The following SLC38A6 variants were observed in gnomAD, a reference collection of about 807,000 sequenced individuals.
SLC38A6 encodes N system amino acid transporter NAT-1.
A neutral mutation model predicts 65.0 loss-of-function variants in SLC38A6; 73 were observed. The observed-to-expected ratio is 1.12, with a 90% CI of 0.93 to 1.37. SLC38A6 has a LOEUF of 1.37. Ranked by LOEUF, SLC38A6 falls within the 40% of genes most tolerant of loss-of-function variation. The pLI, the probability that SLC38A6 is intolerant of heterozygous loss-of-function variation, is 0.00. For missense variants in SLC38A6, 561 were observed against 531.1 expected (o/e 1.06, Z -0.55); for synonymous variants, 183 against 178.8 (o/e 1.02, Z -0.19).
At chr14:61,048,368 T>C in intron 12 of SLC38A6, 1 of 318,888 alleles carries the variant, frequency 3.1e-6, no homozygotes, top group Non-Finnish European at 6.2e-6. Context: ...CTTAATACCC[T>C]GTTTGACAAT....
chr14:61,042,155 T>C (rs1306357467), intron 8 of SLC38A6, among the ~76,000 whole-genome samples: 1 of 152,216 alleles, frequency 6.6e-6, no homozygotes. Flanking sequence ...GTGAGGTTTT[T>C]AATTAAGAGT....
rs147438249 is a variant in SLC38A6, at chr14:61,083,654, C to A, written c.1508C>A (p.Thr503Asn). The A allele has an allele frequency of 1.0e-3, 1,618 of 1,550,240 alleles. 20 individuals carry two copies. In the African/African-American group the frequency reaches 0.018, roughly 17 times the overall value. Residue 503 changes from threonine (T) to asparagine (N), a missense_variant, in exon 17 of 17, where the codon ACC (threonine) becomes AAC (asparagine). Transcript: ENST00000354886. Reference sequence around the variant, plus strand: ...GCCAAGGGAAGAGGCCTCAGGAGAACCAAACGTGTCCACACCTTGATCTTG... The same window carrying A: ...GCCAAGGGAAGAGGCCTCAGGAGAAACAAACGTGTCCACACCTTGATCTTG...
chr14:61,073,042 G>A (rs1047563838), intron 15 of SLC38A6, among the ~76,000 whole-genome samples: 1 of 151,906 alleles, frequency 6.6e-6, no homozygotes, highest in Non-Finnish European at 1.5e-5. Flanking sequence ...ATCCTCTCCG[G>A]CATTTATTAT....
At chr14:61,031,905 T>G (rs2041019622) in intron 6 of SLC38A6, among the ~76,000 whole-genome samples, 1 of 152,104 alleles carries the variant, frequency 6.6e-6, no homozygotes, top group South Asian at 2.1e-4. Flanking sequence ...TTAATTTAAC[T>G]TCTTTTGACT....
intron 5 of SLC38A6, among the ~76,000 whole-genome samples, chr14:61,026,635 T>C (rs1429623585): frequency 1.3e-5 from 2 of 151,934 alleles, no homozygotes; most frequent in African/African-American, 4.8e-5. Flanking sequence ...TGGTAGACTT[T>C]CCTTATTTGT....
intron 10 of SLC38A6, among the ~76,000 whole-genome samples, chr14:61,043,960 C>G (rs2041974794): frequency 6.6e-6 from 1 of 152,026 alleles, no homozygotes; most frequent in Non-Finnish European, 1.5e-5. Flanking sequence ...TATCTTCTGG[C>G]CGACATTCCA....
intron 5 of SLC38A6, among the ~76,000 whole-genome samples, chr14:61,025,616 A>G (rs2040566426): frequency 6.6e-6 from 1 of 152,168 alleles, no homozygotes; most frequent in Non-Finnish European, 1.5e-5. Flanking sequence ...AGTAATTTCT[A>G]TTGAAAATTA....
At position 61,052,445 on chromosome 14, in the gene SLC38A6, A is replaced by T; in HGVS notation, c.*16A>T. 6.4e-7 allele frequency: 1 copy of T among 1,559,486 alleles called. No individual in the cohort carries two copies. The highest frequency in any genetic ancestry group is 1.3e-5 in the South Asian group (1 of 79,874). On this transcript the variant is annotated 3_prime_UTR_variant, in exon 16 of 16. Coordinates refer to ENST00000267488, the MANE Select transcript of SLC38A6 (RefSeq NM_153811.3). ...TAATAAATAAAAGAAATATTTTCCT[A>T]CTTCTTACAAGAATAATATACCCCT...
chr14:61,025,026 A>G (rs550684294), intron 5 of SLC38A6, among the ~76,000 whole-genome samples: 2 of 152,324 alleles, frequency 1.3e-5, no homozygotes, highest in Admixed American at 6.5e-5. Flanking sequence ...AAGGAAAACC[A>G]TAAACATTAG....
chr14:61,050,287 A>G (rs895859477), intron 12 of SLC38A6, among the ~76,000 whole-genome samples: 1 of 152,174 alleles, frequency 6.6e-6, no homozygotes, highest in Non-Finnish European at 1.5e-5. Flanking sequence ...CATTGTCATA[A>G]TTTGAGAGGT....
intron 6 of SLC38A6, 50 bp downstream of exon 6, chr14:61,030,573 A>G: frequency 1.6e-6 from 2 of 1,245,844 alleles, no homozygotes. Flanking sequence ...AATTTGATAA[A>G]TATGTATTAA....
chr14:61,077,063 G>A (rs527590866), intron 15 of SLC38A6, among the ~76,000 whole-genome samples: 2 of 152,172 alleles, frequency 1.3e-5, no homozygotes, highest in Non-Finnish European at 2.9e-5. Context: ...ATGAATCTTG[G>A]GACATTGATA....
Position 61,005,385 on chromosome 14 carries a change from T to C in SLC38A6, c.311-10519T>C, listed in dbSNP as rs1193570322. Among the ~76,000 whole-genome samples, 5 of 100,472 alleles carry C rather than the reference T, an allele frequency of 5.0e-5. 1 individual carries two copies. The highest frequency in any genetic ancestry group is 1.4e-4 in the African/African-American group (5 of 35,268). 65.9% of individuals were successfully genotyped at this position (100,472 alleles called of 152,430 possible). ...GATATTCAATTAGGAAAAGAGGAAGTCAAATTGTCCCTGTTTGCAGATGAC... is the reference window on the plus strand; with the variant it reads ...GATATTCAATTAGGAAAAGAGGAAGCCAAATTGTCCCTGTTTGCAGATGAC... On this transcript the variant is annotated intron_variant, in intron 3 of 15. Coordinates refer to ENST00000267488, the MANE Select transcript of SLC38A6 (RefSeq NM_153811.3).
intron 3 of SLC38A6, among the ~76,000 whole-genome samples, chr14:61,005,845 A>C (rs1322357054): frequency 6.6e-6 from 1 of 152,202 alleles, no homozygotes; most frequent in East Asian, 1.9e-4. Context: ...TTCATATGGA[A>C]CCAAAAAAGA....
At position 61,051,844 on chromosome 14, in the gene SLC38A6, C is replaced by T. The variant is rs764382937; in HGVS notation, c.1108C>T (p.His370Tyr). 1 of 1,612,384 alleles carries T rather than the reference C, an allele frequency of 6.2e-7. No homozygotes were observed. The highest frequency in any genetic ancestry group is 8.5e-7 in the Non-Finnish European group (1 of 1,179,254). The stretch of plus-strand genomic sequence containing the variant: ...CAATTTTCCATTCTCATGGATTCGC[C>T]ATTTTTTGATCACTCTAGCACTCAA... ...FSNFPFSWIR[H>Y]FLITLALNII... is the part of the protein sequence containing the mutation. The change falls in exon 14 of 16, where the codon CAT becomes TAT. Residue 370 changes from histidine to tyrosine, a missense_variant. Physicochemically the swap from His to Tyr is moderately conservative, Grantham distance 83 (BLOSUM62 2). Transcript: ENST00000267488.
intron 15 of SLC38A6, among the ~76,000 whole-genome samples, chr14:61,075,777 TTGTGTGTGTGTGTGTGTGTGTG>T (rs57421102): frequency 3.6e-4 from 44 of 123,392 alleles, no homozygotes; most frequent in East Asian, 2.2e-3. Flanking sequence ...ATCAACCTGT[TTGTGTGTGTGTGTGTGTGTGTG>T]TGTGTGTGTG....
intron 10 of SLC38A6, among the ~76,000 whole-genome samples, 196 bp downstream of exon 10, chr14:61,043,699 T>A (rs1248981954): frequency 8.0e-5 from 12 of 149,990 alleles, no homozygotes. Context: ...CCACCTTTTT[T>A]TTTTTTTTTT....
In SLC38A6 at chr14:61,045,380, T is replaced by G; in HGVS notation, c.779T>G (p.Phe260Cys). 1.2e-6 allele frequency: 2 copies of G among 1,613,802 alleles called. No individual in the cohort carries two copies. Among genetic ancestry groups the G allele is most frequent in the Non-Finnish European group, 1.7e-6 (2 of 1,179,840 alleles). Residue 260 changes from phenylalanine (F) to cysteine (C), a missense_variant, in exon 11 of 16, where the codon TTT becomes TGT. By Grantham distance (205) the Phe-to-Cys change is radical. Coordinates refer to ENST00000267488, the MANE Select transcript of SLC38A6 (RefSeq NM_153811.3). Reference sequence around the variant, plus strand: ...GCCTTACCAACCATGGCTTTTTCATTTCTCTGCCATACCTCAATATTGCCC... The same window carrying G: ...GCCTTACCAACCATGGCTTTTTCATGTCTCTGCCATACCTCAATATTGCCC... ...AYALPTMAFS[F>C]LCHTSILPIY...
intron 3 of SLC38A6, among the ~76,000 whole-genome samples, chr14:61,010,438 C>T (rs1362593885): frequency 6.6e-6 from 1 of 152,188 alleles, no homozygotes; most frequent in African/African-American, 2.4e-5. Context: ...GTGTTTTAGA[C>T]ACGAAGTCCT....
Sources: allele counts gnomAD v4.1 joint callset (sites outside exome capture counted in the v4.1 genomes callset), GRCh38; gene constraint gnomAD v4.1.1; transcripts MANE v1.5; gene names NCBI Gene and HGNC (gene_info 2026-07-23, HGNC 2026-07-21).